PPP1R13B: variants seen among roughly 807,000 people sequenced by gnomAD.
PPP1R13B encodes protein phosphatase 1 regulatory subunit 13B, also known as apoptosis-stimulating of p53 protein 1.
PPP1R13B carries 44 observed loss-of-function variants against 119.8 expected under a neutral mutation model. The ratio of observed to expected loss-of-function variants is 0.37; its 90% CI spans 0.29 to 0.47. The LOEUF is 0.47. Ranked by LOEUF, PPP1R13B falls within the 20% of genes least tolerant of loss-of-function variation. The pLI is 0.99. For synonymous variants in PPP1R13B, 542 were observed against 561.5 expected, an observed-to-expected ratio of 0.97 and a Z score of 0.49; for missense variants, 1,227 against 1,413.5, an observed-to-expected ratio of 0.87 and a Z score of 2.12.
chr14:103,757,535 A>G (rs2084706974), intron 5 of PPP1R13B, 115 bp downstream of exon 5: 1 of 883,324 alleles, frequency 1.1e-6, no homozygotes, highest in Non-Finnish European at 1.8e-6. Flanking sequence ...TAGCACTCCT[A>G]TGGCATGGTC....
At chr14:103,796,872 G>A (rs537713427) in intron 2 of PPP1R13B, among the ~76,000 whole-genome samples, 1 of 152,132 alleles carries the variant, frequency 6.6e-6, no homozygotes, top group Non-Finnish European at 1.5e-5. Context: ...CACAAGAATC[G>A]TTTGAACCCA....
intron 15 of PPP1R13B, chr14:103,737,090 AG>A (rs1259836528): frequency 2.0e-5 from 3 of 152,212 alleles, no homozygotes; most frequent in Non-Finnish European, 1.5e-5. Flanking sequence ...TCCAGAAGCA[AG>A]GGTACAGAAC....
At chr14:103,760,692 ACT>A (rs2084783785) in intron 4 of PPP1R13B, among the ~76,000 whole-genome samples, 1 of 152,110 alleles carries the variant, frequency 6.6e-6, no homozygotes, top group African/African-American at 2.4e-5. Flanking sequence ...TTCCAGGAAC[ACT>A]GTTTCTGCTA....
chr14:103,818,556 C>G lies in PPP1R13B; in HGVS notation c.10-21038G>C, dbSNP rs941872520. ...AAATCATACACCAGTTGATTTCGTC[C>G]TCATGGCAACCTCAGAGACATCAAC... is the stretch of plus-strand genomic sequence containing the variant. On this transcript the variant is annotated intron_variant, in intron 1 of 16. Coordinates refer to ENST00000202556, the MANE Select transcript of PPP1R13B (RefSeq NM_015316.3). 2.3e-5 allele frequency: 21 copies of G among 904,794 alleles called. No homozygotes were observed. The African/African-American group carries it at 3.8e-4, about 16-fold the overall frequency. 56.0% of individuals were successfully genotyped at this position (904,794 alleles called of 1,614,324 possible).
intron 1 of PPP1R13B, among the ~76,000 whole-genome samples, chr14:103,821,738 C>T (rs1315531646): frequency 6.6e-6 from 1 of 151,476 alleles, no homozygotes; most frequent in Non-Finnish European, 1.5e-5. Context: ...GCAACAAGAG[C>T]AAAATTCCAC....
Position 103,765,370 on chromosome 14 carries a change from T to C in PPP1R13B, c.355-7619A>G, listed in dbSNP as rs1535096. ...AGTTCAACAGTTTCATGCTCGTTCCTTTTTGCACTTAGTTTATAGGAGAAC... is the reference window on the plus strand; with the variant it reads ...AGTTCAACAGTTTCATGCTCGTTCCCTTTTGCACTTAGTTTATAGGAGAAC... On this transcript the variant is annotated intron_variant, in intron 4 of 16. Transcript: ENST00000202556. Among the ~76,000 whole-genome samples the C allele has an allele frequency of 8.5e-5, 13 of 152,328 alleles. 1 individual carries two copies. In the South Asian group the frequency reaches 2.7e-3, roughly 32 times the overall value.
intron 9 of PPP1R13B, among the ~76,000 whole-genome samples, chr14:103,745,787 G>A (rs1170160414): frequency 6.6e-6 from 1 of 152,144 alleles, no homozygotes; most frequent in African/African-American, 2.4e-5. Context: ...GAGGACACTC[G>A]TGGGTCAGTT....
chr14:103,739,619 G>C (rs1003157896), intron 12 of PPP1R13B, among the ~76,000 whole-genome samples: 1 of 152,206 alleles, frequency 6.6e-6, no homozygotes, highest in African/African-American at 2.4e-5. Flanking sequence ...GCCACATTGT[G>C]CATTTGTGTG....
intron 3 of PPP1R13B, among the ~76,000 whole-genome samples, chr14:103,782,127 C>T (rs914233357): frequency 6.6e-6 from 1 of 152,120 alleles, no homozygotes; most frequent in Non-Finnish European, 1.5e-5. Flanking sequence ...CCTTTCCCCC[C>T]AGGCCAACAA....
chr14:103,740,334 G>T lies in PPP1R13B; in HGVS notation c.2082C>A (p.Leu694=), dbSNP rs750609201. 1 of 1,569,282 alleles carries T rather than the reference G, an allele frequency of 6.4e-7. No homozygotes were observed. Among genetic ancestry groups the T allele is most frequent in the East Asian group, 2.3e-5 (1 of 44,360 alleles). ...GGGGCGCGTTGGCCAGCTTCCTGCG[G>T]AGGGCCTCCAGGTCTGCATCACTCT... is the stretch of plus-strand genomic sequence containing the variant. ...RYQSDADLEA[L]RRKLANAPRP... is the part of the protein sequence containing the mutation. Residue 694 remains leucine, a synonymous_variant, in exon 12 of 17, where the codon CTC becomes CTA. Transcript: ENST00000202556. The surrounding 1 kb of genome is among the most constrained non-coding windows in gnomAD (Gnocchi z 4.6).
intron 4 of PPP1R13B, chr14:103,763,130 C>T (rs573111406): frequency 1.1e-5 from 7 of 665,676 alleles, no homozygotes; most frequent in Non-Finnish European, 1.9e-5. Context: ...GCAGCTCCCT[C>T]ACACTGCCAC....
chr14:103,846,176 GA>G (rs1413680855), intron 1 of PPP1R13B, among the ~76,000 whole-genome samples: 1 of 152,138 alleles, frequency 6.6e-6, no homozygotes, highest in Non-Finnish European at 1.5e-5. Flanking sequence ...TGATGCTAAA[GA>G]AAGACCTAAG....
intron 1 of PPP1R13B, among the ~76,000 whole-genome samples, chr14:103,845,985 C>T (rs2087021327): frequency 6.6e-6 from 1 of 152,204 alleles, no homozygotes; most frequent in African/African-American, 2.4e-5. Context: ...GATATTGGTA[C>T]ATTTTTATCC....
chr14:103,774,222 T>C (rs967062753), intron 4 of PPP1R13B, among the ~76,000 whole-genome samples: 2 of 152,174 alleles, frequency 1.3e-5, no homozygotes, highest in Admixed American at 6.5e-5. Flanking sequence ...TAGGATCAAT[T>C]GGTCTTGGCA....
chr14:103,737,713 C>T lies in PPP1R13B; in HGVS notation c.3012G>A (p.Gln1004=). Residue 1004 remains glutamine (Q), a synonymous_variant, in exon 15 of 17, where the codon CAG becomes CAA. Transcript: ENST00000202556. Reference sequence around the variant, plus strand: ...GCGTACCATATAGAAACTGGGAGCACTGGATGTAGCCTTCCTCCATCTCCT... The same window carrying T: ...GCGTACCATATAGAAACTGGGAGCATTGGATGTAGCCTTCCTCCATCTCCT... ...KCEEMEEGYI[Q]CSQFLYGVQE... The T allele has an allele frequency of 1.2e-6, 2 of 1,614,222 alleles. No individual in the cohort carries two copies. The highest frequency in any genetic ancestry group is 1.3e-5 in the African/African-American group (1 of 75,062).
At chr14:103,747,868 A>G (rs2084427563) in intron 8 of PPP1R13B, among the ~76,000 whole-genome samples, 1 of 152,320 alleles carries the variant, frequency 6.6e-6, no homozygotes, top group South Asian at 2.1e-4. Context: ...ACCCTCTAGA[A>G]GGTGGGTGGG....
At chr14:103,803,724 T>A (rs1427615423) in intron 1 of PPP1R13B, among the ~76,000 whole-genome samples, 1 of 152,114 alleles carries the variant, frequency 6.6e-6, no homozygotes, top group African/African-American at 2.4e-5. Flanking sequence ...AAAACAAAAA[T>A]TTCTAATTGT....
In PPP1R13B at chr14:103,742,200, A is replaced by C; in HGVS notation, c.1412T>G (p.Leu471Arg). 1.2e-6 allele frequency: 2 copies of C among 1,603,756 alleles called. No homozygotes were observed. Among genetic ancestry groups the C allele is most frequent in the Non-Finnish European group, 1.7e-6 (2 of 1,179,948 alleles). The change falls in exon 11 of 17, where the codon CTG becomes CGG. Residue 471 changes from leucine (L) to arginine (R), a missense_variant. By Grantham distance (102) the Leu-to-Arg change is moderately radical. Transcript: ENST00000202556. The surrounding 1 kb of genome is among the most constrained non-coding windows in gnomAD (Gnocchi z 4.9). ...SYGTYPSPTP[L>R]GPGSTSSLER... is the part of the protein sequence containing the mutation. ...CAGGGAGCTTGTCGACCCAGGACCC[A>C]GAGGTGTAGGACTTGGGTATGTCCC...
chr14:103,771,071 C>A (rs1219363774), intron 4 of PPP1R13B, among the ~76,000 whole-genome samples: 2 of 152,124 alleles, frequency 1.3e-5, no homozygotes, highest in African/African-American at 4.8e-5. Context: ...AATGAACCCC[C>A]CAACAGAAGG....
Sources: gnomAD v4.1 joint callset for allele counts (sites outside exome capture counted in the v4.1 genomes callset) on GRCh38, gnomAD v4.1.1 for gene constraint, Gnocchi (gnomAD v3.1) non-coding constraint, MANE v1.5 for transcripts, NCBI Gene and HGNC (gene_info 2026-07-23, HGNC 2026-07-21) for gene names.